The following FGGY variants were observed in gnomAD, a reference collection of about 807,000 sequenced individuals.
FGGY encodes FGGY carbohydrate kinase domain containing, also known as FGGY carbohydrate kinase domain-containing protein.
A neutral mutation model predicts 71.3 loss-of-function variants in FGGY; 72 were observed. That is an observed-to-expected ratio of 1.01 (90% CI 0.84 to 1.23). The LOEUF (loss-of-function observed/expected upper bound fraction) is 1.23. Ranked by LOEUF, FGGY falls within the 50% of genes most tolerant of loss-of-function variation. The pLI is 0.00. For synonymous variants in FGGY, 251 were observed against 250.3 expected (o/e 1.00, Z -0.02); for missense variants, 668 against 682.3 (o/e 0.98, Z 0.23).
chr1:59,718,777 C>T (rs888191475), intron 14 of FGGY, among the ~76,000 whole-genome samples: 2 of 152,188 alleles, frequency 1.3e-5, no homozygotes, highest in African/African-American at 4.8e-5. Context: ...GGTCAGAGAC[C>T]TTGCACTACA....
intron 8 of FGGY, among the ~76,000 whole-genome samples, chr1:59,585,350 C>G (rs996549070): frequency 3.9e-5 from 6 of 152,120 alleles, no homozygotes; most frequent in Admixed American, 6.6e-5. Context: ...GAACAGAGCC[C>G]TCAGAAATAA....
At chr1:59,559,992 G>A (rs1015723574) in intron 8 of FGGY, among the ~76,000 whole-genome samples, 1 of 152,162 alleles carries the variant, frequency 6.6e-6, no homozygotes, top group East Asian at 1.9e-4. Flanking sequence ...TTAAGTGTGG[G>A]CTGCACATAG....
intron 7 of FGGY, among the ~76,000 whole-genome samples, chr1:59,515,759 C>T (rs1226551561): frequency 6.6e-6 from 1 of 152,086 alleles, no homozygotes; most frequent in Non-Finnish European, 1.5e-5. Context: ...CTTTTGCCCT[C>T]CACCATGATT....
intron 7 of FGGY, among the ~76,000 whole-genome samples, chr1:59,545,113 C>T (rs1249497247): frequency 1.3e-5 from 2 of 152,184 alleles, no homozygotes; most frequent in Non-Finnish European, 2.9e-5. Flanking sequence ...AAATGTCTGC[C>T]TGTGTATTTT....
chr1:59,489,087 AAAT>A (rs1329830953), intron 6 of FGGY, among the ~76,000 whole-genome samples: 1 of 152,128 alleles, frequency 6.6e-6, no homozygotes, highest in Non-Finnish European at 1.5e-5. Flanking sequence ...TATTTTTAAA[AAAT>A]AATTTTTTAT....
At chr1:59,394,218 A>G (rs1284554475) in intron 5 of FGGY, among the ~76,000 whole-genome samples, 2 of 152,246 alleles carry the variant, frequency 1.3e-5, no homozygotes, top group African/African-American at 4.8e-5. Context: ...AAAGGGACCT[A>G]CATCCTCAAA....
intron 6 of FGGY, among the ~76,000 whole-genome samples, chr1:59,494,459 G>A (rs1570116873): frequency 6.6e-6 from 1 of 152,156 alleles, no homozygotes; most frequent in Non-Finnish European, 1.5e-5. Flanking sequence ...CAGTTTAGCA[G>A]AATGTACTGA....
At chr1:59,699,531 G>A in intron 14 of FGGY, 1 of 498,318 alleles carries the variant, frequency 2.0e-6, no homozygotes, top group Non-Finnish European at 2.6e-6. Flanking sequence ...GGTCATTGGG[G>A]CTGATGGAGA....
chr1:59,585,411 A>G (rs1271767377), intron 8 of FGGY, among the ~76,000 whole-genome samples: 1 of 152,158 alleles, frequency 6.6e-6, no homozygotes, highest in Non-Finnish European at 1.5e-5. Context: ...CAGAAACAAG[A>G]AATGGGGAAA....
chr1:59,478,861 A>C (rs1029233740), intron 6 of FGGY, among the ~76,000 whole-genome samples: 5 of 152,200 alleles, frequency 3.3e-5, no homozygotes, highest in Admixed American at 2.0e-4. Flanking sequence ...CAGGGAGATA[A>C]TGAGGAGATT....
chr1:59,505,746 C>T (rs1344780270), intron 6 of FGGY, among the ~76,000 whole-genome samples: 1 of 152,186 alleles, frequency 6.6e-6, no homozygotes, highest in Non-Finnish European at 1.5e-5. Flanking sequence ...AATGCATTTT[C>T]TGTCTCCCAG....
At chr1:59,514,308 G>C (rs775477406) in intron 7 of FGGY, among the ~76,000 whole-genome samples, 39 of 152,174 alleles carry the variant, frequency 2.6e-4, no homozygotes, top group Admixed American at 1.6e-3. Context: ...GAAAGAAAGA[G>C]AACTGCTGCT....
At chr1:59,706,866 T>A (rs771186438) in intron 14 of FGGY, among the ~76,000 whole-genome samples, 1 of 152,090 alleles carries the variant, frequency 6.6e-6, no homozygotes, top group Non-Finnish European at 1.5e-5. Context: ...AATAATAAAT[T>A]GGGTTCATAG....
intron 7 of FGGY, among the ~76,000 whole-genome samples, chr1:59,533,822 C>G (rs1039782860): frequency 7.2e-5 from 11 of 152,194 alleles, no homozygotes; most frequent in African/African-American, 2.7e-4. Context: ...ACACCAAAAT[C>G]CCATCTGTAC....
At chr1:59,706,103 C>A (rs1253219565) in intron 14 of FGGY, among the ~76,000 whole-genome samples, 5 of 152,190 alleles carry the variant, frequency 3.3e-5, no homozygotes, top group African/African-American at 1.2e-4. Flanking sequence ...GTGGAGAGTT[C>A]TTTCTTCAAG....
At chr1:59,307,115 G>T (rs762823930) in intron 1 of FGGY, among the ~76,000 whole-genome samples, 2 of 152,048 alleles carry the variant, frequency 1.3e-5, no homozygotes, top group Admixed American at 6.6e-5. Flanking sequence ...AGGAATTCGA[G>T]ACCAGCCTGG....
At chr1:59,750,792 G>A (rs2098238687) in intron 14 of FGGY, among the ~76,000 whole-genome samples, 1 of 152,144 alleles carries the variant, frequency 6.6e-6, no homozygotes, top group Non-Finnish European at 1.5e-5. Flanking sequence ...TTTCTATGGA[G>A]GGGTCACGTG....
chr1:59,731,231 C>T (rs2098024108), intron 14 of FGGY, among the ~76,000 whole-genome samples: 1 of 152,168 alleles, frequency 6.6e-6, no homozygotes, highest in South Asian at 2.1e-4. Context: ...TTTGCAAATG[C>T]CCACAAACCA....
intron 8 of FGGY, among the ~76,000 whole-genome samples, chr1:59,577,935 A>C (rs368593630): frequency 2.0e-5 from 3 of 152,102 alleles, no homozygotes; most frequent in African/African-American, 7.2e-5. Flanking sequence ...CATGTAACAG[A>C]ATGTTACCAT....
Sources: allele counts gnomAD v4.1 joint callset (sites outside exome capture counted in the v4.1 genomes callset), GRCh38; gene constraint gnomAD v4.1.1; transcripts MANE v1.5; gene names NCBI Gene and HGNC (gene_info 2026-07-23, HGNC 2026-07-21).